The following FAM13A variants were observed in gnomAD, a reference collection of about 807,000 sequenced individuals.
FAM13A encodes protein FAM13A.
FAM13A carries 76 observed loss-of-function variants against 129.6 expected under a neutral mutation model. The observed-to-expected ratio is 0.59, with a 90% CI of 0.49 to 0.71. FAM13A has a LOEUF of 0.71. Ranked by LOEUF, FAM13A falls within the 30% of genes least tolerant of loss-of-function variation. The probability of loss-of-function intolerance (pLI) is 0.00; values close to 1 mark genes in which losing one functional copy is unlikely to be tolerated. For synonymous variants in FAM13A, 443 were observed against 449.9 expected (o/e 0.98, Z 0.20); for missense variants, 1,108 against 1,249.3 (o/e 0.89, Z 1.70).
At chr4:88,803,554 T>TTGA (rs33994683) in intron 8 of FAM13A, among the ~76,000 whole-genome samples, 76,764 of 151,716 alleles carry the variant, frequency 0.51, 19,598 homozygotes, top group East Asian at 0.69. Flanking sequence ...TAAACATTTG[T>TTGA]TATTACTGTG....
At chr4:88,929,728 C>T (rs1561365894) in intron 5 of FAM13A, among the ~76,000 whole-genome samples, 1 of 151,548 alleles carries the variant, frequency 6.6e-6, no homozygotes. Context: ...TTTTTAATTC[C>T]AAAATTTCTG....
chr4:88,775,144 A>G (rs1481193345), intron 11 of FAM13A, among the ~76,000 whole-genome samples: 1 of 152,194 alleles, frequency 6.6e-6, no homozygotes, highest in East Asian at 1.9e-4. Context: ...ACAACAAAGA[A>G]GAAAACAGTC....
At chr4:88,757,098 AATT>A (rs34980130) in intron 14 of FAM13A, among the ~76,000 whole-genome samples, 79,153 of 151,664 alleles carry the variant, frequency 0.52, 22,488 homozygotes, top group Non-Finnish European at 0.65. Flanking sequence ...TGGTTCCTTC[AATT>A]ATTATCTGAA....
chr4:88,742,577 C>A (rs1467415818), intron 19 of FAM13A, among the ~76,000 whole-genome samples: 5 of 152,096 alleles, frequency 3.3e-5, no homozygotes, highest in African/African-American at 4.8e-5. Context: ...TATTTGAAGC[C>A]AAAGGCTCAG....
chr4:88,854,515 C>G (rs1489119761), intron 6 of FAM13A, among the ~76,000 whole-genome samples: 1 of 152,202 alleles, frequency 6.6e-6, no homozygotes, highest in Non-Finnish European at 1.5e-5. Flanking sequence ...CTAGTTCACA[C>G]CACACTTTGC....
At chr4:88,740,244 C>T (rs1739944613) in intron 19 of FAM13A, among the ~76,000 whole-genome samples, 1 of 152,206 alleles carries the variant, frequency 6.6e-6, no homozygotes, top group African/African-American at 2.4e-5. Flanking sequence ...CCCATTCTCT[C>T]CTTTGTGAAA....
At chr4:88,752,001 A>T (rs1000686897) in intron 14 of FAM13A, among the ~76,000 whole-genome samples, 1 of 152,152 alleles carries the variant, frequency 6.6e-6, no homozygotes, top group Non-Finnish European at 1.5e-5. Flanking sequence ...AAAATATATA[A>T]TCCTAGAATG....
At chr4:88,767,528 T>C in intron 13 of FAM13A, 25 bp downstream of exon 13, 2 of 1,579,614 alleles carry the variant, frequency 1.3e-6, no homozygotes, top group African/African-American at 1.4e-5. Flanking sequence ...CGTCACAGTC[T>C]TACTCTTGCT....
chr4:88,951,135 C>A (rs973967691), intron 4 of FAM13A, among the ~76,000 whole-genome samples: 1 of 152,142 alleles, frequency 6.6e-6, no homozygotes, highest in African/African-American at 2.4e-5. Context: ...ACCCTGGACA[C>A]CTGACCTCTC....
intron 7 of FAM13A, among the ~76,000 whole-genome samples, chr4:88,815,831 T>C (rs1730612729): frequency 6.6e-6 from 1 of 152,274 alleles, no homozygotes; most frequent in South Asian, 2.1e-4. Flanking sequence ...TAAAGAAGGC[T>C]GAATGTAACA....
chr4:88,814,396 G>C (rs1204769005), intron 7 of FAM13A, among the ~76,000 whole-genome samples: 1 of 152,128 alleles, frequency 6.6e-6, no homozygotes, highest in African/African-American at 2.4e-5. Context: ...GAGAGACAGA[G>C]AGAGAGAGAA....
At chr4:88,822,741 GAGA>G (rs1409786868) in intron 7 of FAM13A, among the ~76,000 whole-genome samples, 2 of 152,114 alleles carry the variant, frequency 1.3e-5, no homozygotes, top group Non-Finnish European at 2.9e-5. Context: ...TTTCCATTCA[GAGA>G]AGGATATAAC....
chr4:89,043,190 A>G (rs1431155182), intron 1 of FAM13A, among the ~76,000 whole-genome samples: 2 of 152,208 alleles, frequency 1.3e-5, no homozygotes, highest in Non-Finnish European at 2.9e-5. Context: ...GCTGAACAAG[A>G]CTCAGCTGAT....
chr4:88,833,457 A>C (rs1005912319), intron 7 of FAM13A, among the ~76,000 whole-genome samples: 1 of 152,188 alleles, frequency 6.6e-6, no homozygotes, highest in Non-Finnish European at 1.5e-5. Flanking sequence ...TGAAAAATCA[A>C]AGTATTAAAA....
intron 3 of FAM13A, among the ~76,000 whole-genome samples, chr4:89,008,592 G>T (rs1218486544): frequency 6.6e-6 from 1 of 152,142 alleles, no homozygotes; most frequent in Non-Finnish European, 1.5e-5. Flanking sequence ...AAAATAAAAA[G>T]GCTAGGCTTT....
intron 6 of FAM13A, among the ~76,000 whole-genome samples, chr4:88,864,195 T>G (rs1561194713): frequency 6.6e-6 from 1 of 152,212 alleles, no homozygotes; most frequent in Non-Finnish European, 1.5e-5. Context: ...AATGCTATAT[T>G]GATGTGGGAC....
At chr4:88,967,917 T>C (rs954367211) in intron 4 of FAM13A, among the ~76,000 whole-genome samples, 3 of 152,308 alleles carry the variant, frequency 2.0e-5, no homozygotes, top group African/African-American at 7.2e-5. Flanking sequence ...AGTGCTGCCA[T>C]GTGGAGGACA....
chr4:88,743,822 C>A (rs1168495399), intron 19 of FAM13A, among the ~76,000 whole-genome samples: 1 of 152,140 alleles, frequency 6.6e-6, no homozygotes, highest in Non-Finnish European at 1.5e-5. Flanking sequence ...CATAGAAACA[C>A]AACTTTGTGA....
intron 13 of FAM13A, 41 bp downstream of exon 13, chr4:88,767,511 AC>A: frequency 6.7e-7 from 1 of 1,495,256 alleles, no homozygotes. Context: ...GAGTGTATGA[AC>A]AGCCCCGTCA....
Sources: allele counts gnomAD v4.1 joint callset (sites outside exome capture counted in the v4.1 genomes callset), GRCh38; gene constraint gnomAD v4.1.1; transcripts MANE v1.5; gene names NCBI Gene and HGNC (gene_info 2026-07-23, HGNC 2026-07-21).